Variants in LIN52 observed in about 807,000 individuals in gnomAD.
The protein encoded by LIN52 is lin-52 DREAM MuvB core complex component.
Under a neutral mutation model 18.5 loss-of-function variants are expected in LIN52, and 4 were observed. The ratio of observed to expected loss-of-function variants is 0.22; its 90% confidence interval spans 0.11 to 0.49. LIN52 has a LOEUF of 0.49. Among genes scored for constraint, LIN52 ranks in the 20% least tolerant of loss-of-function variants. The pLI is 0.97. For synonymous variants in LIN52, 34 were observed against 45.5 expected (o/e 0.75, Z 1.02); for missense variants, 102 against 139.5 (o/e 0.73, Z 1.35).
intron 5 of LIN52, among the ~76,000 whole-genome samples, chr14:74,166,319 C>T (rs1180048538): frequency 2.0e-5 from 3 of 152,142 alleles, no homozygotes; most frequent in African/African-American, 4.8e-5. Flanking sequence ...TGACTTCAAG[C>T]GATTCTCCTG....
At position 74,103,733 on chromosome 14, in the gene LIN52, GTTTTTTTTTTTTTTTTTTT is replaced by G. The variant is rs573188668; in HGVS notation, c.283+2513_283+2531del. Among the ~76,000 whole-genome samples the G allele has an allele frequency of 2.4e-4, 11 of 46,036 alleles. No individual in the cohort carries two copies. In the South Asian group the frequency reaches 5.1e-3, roughly 21 times the overall value. The allele number at this position is 46,036 out of a possible 152,430, so 30.2% of individuals were successfully genotyped here. On this transcript the variant is annotated intron_variant, in intron 5 of 5. Transcript: ENST00000555028. ...AGGTGTGAGCCACCGGGCCTGGCCAGTTTTTTTTTTTTTTTTTTTTTTTTTTTTTTTTTTTTAAGAGACT... is the reference window on the plus strand; with the variant it reads ...AGGTGTGAGCCACCGGGCCTGGCCAGTTTTTTTTTTTTTTTTTAAGAGACT...
intron 5 of LIN52, among the ~76,000 whole-genome samples, chr14:74,144,312 G>A (rs1176199719): frequency 1.3e-5 from 2 of 151,436 alleles, no homozygotes; most frequent in African/African-American, 4.9e-5. Context: ...CATGGGGGTT[G>A]GGAGGGGTCT....
At chr14:74,180,546 C>T (rs1018269705) in intron 5 of LIN52, among the ~76,000 whole-genome samples, 1 of 151,748 alleles carries the variant, frequency 6.6e-6, no homozygotes, top group African/African-American at 2.4e-5. Flanking sequence ...GCGTGAGCCA[C>T]CGCGCCCAGC....
At chr14:74,160,197 G>T (rs1404888537) in intron 5 of LIN52, among the ~76,000 whole-genome samples, 1 of 152,172 alleles carries the variant, frequency 6.6e-6, no homozygotes, top group Non-Finnish European at 1.5e-5. Flanking sequence ...AGACAGACAT[G>T]CATAGAGGGA....
At chr14:74,135,559 C>G (rs1162976033) in intron 5 of LIN52, among the ~76,000 whole-genome samples, 1 of 151,778 alleles carries the variant, frequency 6.6e-6, no homozygotes, top group Non-Finnish European at 1.5e-5. Flanking sequence ...TTTTTTTTAT[C>G]ATGGGAGTGG....
At chr14:74,145,615 C>T (rs375037702) in intron 5 of LIN52, among the ~76,000 whole-genome samples, 26 of 152,322 alleles carry the variant, frequency 1.7e-4, no homozygotes, top group Middle Eastern at 6.8e-3. Context: ...TTGTCTCTTA[C>T]AGTCTGGTCG....
At chr14:74,114,192 G>C (rs1757370366) in intron 5 of LIN52, 1 of 982,280 alleles carries the variant, frequency 1.0e-6, no homozygotes. Flanking sequence ...GTGTGTGTGT[G>C]TGTGTGTGTG....
In LIN52 at chr14:74,101,679, C is replaced by T. The variant is rs544915482; in HGVS notation, c.283+441C>T. Among the ~76,000 whole-genome samples the T allele has an allele frequency of 3.4e-4, 51 of 152,118 alleles. No homozygotes were observed. In the East Asian group the frequency reaches 9.9e-3, roughly 29 times the overall value. ...GTTTCACCGTTTTAGCCGGGATGGT[C>T]TCGATCTCCTGACCTCGTGATCCGC... On this transcript the variant is annotated intron_variant, in intron 5 of 5. Coordinates refer to ENST00000555028, the MANE Select transcript of LIN52 (RefSeq NM_001024674.3).
chr14:74,092,428 C>T (rs2060779062), intron 2 of LIN52, among the ~76,000 whole-genome samples: 1 of 150,480 alleles, frequency 6.6e-6, no homozygotes, highest in Admixed American at 6.6e-5. Context: ...GCCTCGGCTC[C>T]CGAGTAGCTG....
Position 74,199,030 on chromosome 14 carries a change from G to T in LIN52, c.*53G>T, listed in dbSNP as rs1346314202. ...GGTCCGAAACCAAGCTCCCTTCCCG[G>T]TGCACCTCTAACAATGCACACCTCA... On this transcript the variant is annotated 3_prime_UTR_variant, in exon 6 of 6. Coordinates refer to ENST00000555028, the MANE Select transcript of LIN52 (RefSeq NM_001024674.3). 5 of 1,293,990 alleles carry T rather than the reference G, an allele frequency of 3.9e-6. No individual in the cohort carries two copies. The highest frequency in any genetic ancestry group is 1.5e-5 in the African/African-American group (1 of 68,484). 80.2% of individuals were successfully genotyped at this position (1,293,990 alleles called of 1,614,324 possible).
chr14:74,094,650 G>T (rs1003046138), intron 2 of LIN52, among the ~76,000 whole-genome samples: 1 of 152,086 alleles, frequency 6.6e-6, no homozygotes, highest in African/African-American at 2.4e-5. Flanking sequence ...CTGTATGAGG[G>T]CCCCTTTCCT....
chr14:74,097,961 C>T (rs557804553), intron 4 of LIN52, 101 bp downstream of exon 4: 1 of 818,484 alleles, frequency 1.2e-6, no homozygotes, highest in African/African-American at 1.7e-5. Flanking sequence ...TTTTTGGCTT[C>T]AGACTTCTCA....
intron 2 of LIN52, among the ~76,000 whole-genome samples, chr14:74,092,591 C>G (rs2139851830): frequency 6.6e-6 from 1 of 151,696 alleles, no homozygotes; most frequent in Non-Finnish European, 1.5e-5. Flanking sequence ...CAGGCGTGAG[C>G]CACCATGGCT....
chr14:74,095,149 G>GTT (rs35455851), intron 2 of LIN52, among the ~76,000 whole-genome samples: 11,324 of 103,550 alleles, frequency 0.11, 1,021 homozygotes, highest in Admixed American at 0.17. Flanking sequence ...CCAACTAACT[G>GTT]TTTTTTTTTT....
intron 5 of LIN52, among the ~76,000 whole-genome samples, chr14:74,198,273 A>G (rs188521111): frequency 6.6e-6 from 1 of 152,290 alleles, no homozygotes; most frequent in Admixed American, 6.5e-5. Context: ...TAACTATAGC[A>G]TTCAAAGATT....
chr14:74,177,306 CT>C (rs777329133), intron 5 of LIN52, among the ~76,000 whole-genome samples: 2 of 152,048 alleles, frequency 1.3e-5, no homozygotes, highest in Non-Finnish European at 2.9e-5. Flanking sequence ...CCTGTTTGCA[CT>C]TTTTGACTAT....
At chr14:74,153,734 G>A (rs1441420867) in intron 5 of LIN52, among the ~76,000 whole-genome samples, 1 of 152,010 alleles carries the variant, frequency 6.6e-6, no homozygotes. Context: ...AGTAGAGACG[G>A]AGTTTCACCA....
intron 5 of LIN52, among the ~76,000 whole-genome samples, chr14:74,149,582 C>T (rs147159627): frequency 7.9e-5 from 12 of 152,264 alleles, no homozygotes; most frequent in Admixed American, 2.6e-4. Flanking sequence ...AATTCCGATT[C>T]AATTCCAGCA....
At position 74,199,373 on chromosome 14, in the gene LIN52, T is replaced by TA. The variant is rs2078933275; in HGVS notation, c.*396_*397insA. The TA allele has an allele frequency of 2.4e-5, 4 of 165,438 alleles. No homozygotes were observed. The Admixed American group carries it at 2.5e-4, about 10-fold the overall frequency. 10.2% of individuals were successfully genotyped at this position (165,438 alleles called of 1,614,324 possible). A position where few individuals can be genotyped will look rare whatever the true frequency, so the allele number is the denominator to read the frequency against. ...GACATGTTGATTGGATGGGTTCTTTTGAATTGTTCTTGATCTCTTAGAAAG... is the reference window on the plus strand; with the variant it reads ...GACATGTTGATTGGATGGGTTCTTTTAGAATTGTTCTTGATCTCTTAGAAAG... On this transcript the variant is annotated 3_prime_UTR_variant, in exon 6 of 6. Transcript: ENST00000555028.
Sources: allele counts gnomAD v4.1 joint callset (sites outside exome capture counted in the v4.1 genomes callset), GRCh38; gene constraint gnomAD v4.1.1; transcripts MANE v1.5; gene names NCBI Gene and HGNC (gene_info 2026-07-23, HGNC 2026-07-21).